Variants in AGBL1 observed in about 807,000 individuals in gnomAD.
AGBL1 encodes cytosolic carboxypeptidase 4.
In AGBL1, 130 loss-of-function variants were observed where a neutral mutation model predicts 118.9. That is an observed-to-expected ratio of 1.09 (90% confidence interval 0.95 to 1.26). The LOEUF is 1.26. AGBL1 is among the 50% of genes most tolerant of loss of function. AGBL1 has a pLI of 0.00. For missense variants in AGBL1, 1,584 were observed against 1,298.1 expected, an observed-to-expected ratio of 1.22 and a Z score of -3.38; for synonymous variants, 555 against 478.9, an observed-to-expected ratio of 1.16 and a Z score of -2.08.
chr15:86,191,926 A>C lies in AGBL1; in HGVS notation c.488+32900A>C, dbSNP rs554110925. ...TCTTAAAAAAAAAAAAACAAAAAAAACCAAAAAACACAAAAAACACAAAAA... is the reference window on the plus strand; with the variant it reads ...TCTTAAAAAAAAAAAAACAAAAAAACCCAAAAAACACAAAAAACACAAAAA... On this transcript the variant is annotated intron_variant, in intron 5 of 22. Transcript: ENST00000614907. Among the ~76,000 whole-genome samples the C allele has an allele frequency of 2.1e-3, 315 of 151,046 alleles. 2 individuals are homozygous for C. Among genetic ancestry groups the C allele is most frequent in the African/African-American group, 5.8e-3 (240 of 41,166 alleles).
intron 22 of AGBL1, among the ~76,000 whole-genome samples, chr15:86,845,768 T>A (rs1189714931): frequency 6.6e-6 from 1 of 152,228 alleles, no homozygotes. Context: ...TAGATATATT[T>A]GTATTTTCTA....
intron 22 of AGBL1, among the ~76,000 whole-genome samples, chr15:86,880,953 C>T (rs966283914): frequency 8.5e-5 from 13 of 152,082 alleles, no homozygotes; most frequent in South Asian, 4.2e-4. Flanking sequence ...GGGGAGGGGG[C>T]GTCTGTGTGT....
intron 23 of AGBL1, among the ~76,000 whole-genome samples, chr15:86,935,695 G>A (rs756436750): frequency 2.6e-5 from 4 of 152,204 alleles, no homozygotes; most frequent in Non-Finnish European, 5.9e-5. Flanking sequence ...TTAGTGTTTA[G>A]CCAGTGTCAA....
chr15:86,244,605 T>G (rs1024155980), intron 6 of AGBL1, among the ~76,000 whole-genome samples: 3 of 152,146 alleles, frequency 2.0e-5, no homozygotes, highest in Admixed American at 6.5e-5. Context: ...ATGAATAAAA[T>G]CATTGGGATT....
At chr15:86,438,464 C>G (rs1239916088) in intron 18 of AGBL1, among the ~76,000 whole-genome samples, 1 of 152,094 alleles carries the variant, frequency 6.6e-6, no homozygotes, top group Non-Finnish European at 1.5e-5. Context: ...TCCTTATCCC[C>G]CAATTCCTCT....
chr15:86,707,579 C>A (rs1179107016), intron 22 of AGBL1, among the ~76,000 whole-genome samples: 1 of 151,970 alleles, frequency 6.6e-6, no homozygotes, highest in African/African-American at 2.4e-5. Context: ...CATACCTTTC[C>A]CATAATTTGG....
intron 23 of AGBL1, chr15:86,987,933 A>T: frequency 6.3e-7 from 1 of 1,578,772 alleles, no homozygotes; most frequent in East Asian, 2.3e-5. Context: ...ATAATATGTG[A>T]CACTATGGTT....
At chr15:86,710,284 G>A (rs10520637) in intron 22 of AGBL1, among the ~76,000 whole-genome samples, 7,137 of 152,224 alleles carry the variant, frequency 0.047, 329 homozygotes, top group African/African-American at 0.12. Context: ...GGTGATGCAC[G>A]TGATTAGAGA....
intron 22 of AGBL1, among the ~76,000 whole-genome samples, chr15:86,825,287 C>A (rs867115276): frequency 1.9e-4 from 28 of 147,424 alleles, no homozygotes; most frequent in Middle Eastern, 3.6e-3. Flanking sequence ...AAAGCATGAT[C>A]CATAAAAGGA....
chr15:86,594,667 A>G (rs1356376050), intron 21 of AGBL1, among the ~76,000 whole-genome samples: 1 of 152,210 alleles, frequency 6.6e-6, no homozygotes, highest in Non-Finnish European at 1.5e-5. Flanking sequence ...GCATGTTAGT[A>G]TGCTACATGA....
chr15:86,806,046 A>C (rs989724676), intron 22 of AGBL1, among the ~76,000 whole-genome samples: 5 of 152,168 alleles, frequency 3.3e-5, no homozygotes, highest in African/African-American at 1.2e-4. Context: ...CAGCATATTC[A>C]TACTTTGGCC....
intron 18 of AGBL1, among the ~76,000 whole-genome samples, chr15:86,434,388 G>T (rs1305740326): frequency 1.3e-5 from 2 of 152,222 alleles, no homozygotes; most frequent in Non-Finnish European, 2.9e-5. Flanking sequence ...AATTGATGAG[G>T]CGAGAAGAGA....
intron 3 of AGBL1, among the ~76,000 whole-genome samples, chr15:86,153,761 T>G (rs950248655): frequency 4.6e-5 from 7 of 152,212 alleles, no homozygotes; most frequent in Admixed American, 2.0e-4. Context: ...GATGGCCTAT[T>G]ATATACCTAA....
intron 17 of AGBL1, among the ~76,000 whole-genome samples, chr15:86,357,842 C>T (rs1050192971): frequency 6.6e-6 from 1 of 152,052 alleles, no homozygotes; most frequent in Non-Finnish European, 1.5e-5. Context: ...CATGCACAGG[C>T]CTTAAACTCT....
intron 21 of AGBL1, among the ~76,000 whole-genome samples, chr15:86,580,730 C>G (rs993853263): frequency 1.4e-4 from 22 of 152,000 alleles, no homozygotes; most frequent in African/African-American, 5.1e-4. Flanking sequence ...TCCTCTCTTA[C>G]TGCTTTTAAA....
At chr15:86,840,532 G>A (rs1023808601) in intron 22 of AGBL1, among the ~76,000 whole-genome samples, 17 of 152,034 alleles carry the variant, frequency 1.1e-4, no homozygotes, top group Non-Finnish European at 1.8e-4. Flanking sequence ...TGCAACCTCC[G>A]CCTCCGTGGT....
chr15:86,724,336 A>T (rs768781129), intron 22 of AGBL1, among the ~76,000 whole-genome samples: 40 of 151,932 alleles, frequency 2.6e-4, no homozygotes, highest in Non-Finnish European at 5.6e-4. Flanking sequence ...CAAGGAATAG[A>T]GGGGCCAGAA....
intron 23 of AGBL1, among the ~76,000 whole-genome samples, chr15:86,975,565 T>C (rs978901247): frequency 6.6e-6 from 1 of 151,992 alleles, no homozygotes; most frequent in African/African-American, 2.4e-5. Flanking sequence ...AAAGACCCTG[T>C]CTCCAAAAAT....
chr15:86,813,855 C>T (rs2078824799), intron 22 of AGBL1, among the ~76,000 whole-genome samples: 1 of 152,168 alleles, frequency 6.6e-6, no homozygotes, highest in South Asian at 2.1e-4. Flanking sequence ...AGTGCAAATC[C>T]CATGAACTTT....
Sources: allele counts gnomAD v4.1 joint callset (sites outside exome capture counted in the v4.1 genomes callset), GRCh38; gene constraint gnomAD v4.1.1; transcripts MANE v1.5; gene names NCBI Gene and HGNC (gene_info 2026-07-23, HGNC 2026-07-21).